Variants in RERE observed in about 807,000 individuals in gnomAD.
The protein encoded by RERE is arginine-glutamic acid dipeptide repeats.
In RERE, 40 loss-of-function variants were observed where a neutral mutation model predicts 146.1. That is an observed-to-expected ratio of 0.27 (90% CI 0.21 to 0.36). The LOEUF (loss-of-function observed/expected upper bound fraction) is 0.36. Ranked by LOEUF, RERE falls within the 10% of genes least tolerant of loss-of-function variation. RERE has a pLI of 1.00. For missense variants in RERE, 1,933 were observed against 2,138.7 expected, an observed-to-expected ratio of 0.90 and a Z score of 1.90; for synonymous variants, 1,003 against 866.0, an observed-to-expected ratio of 1.16 and a Z score of -2.78.
Position 8,360,154 on chromosome 1 carries a change from G to A in RERE, c.3353C>T (p.Pro1118Leu). Residue 1118 changes from proline (P) to leucine (L), a missense_variant, in exon 18 of 23, where the codon CCC (proline) becomes CTC (leucine). Transcript: ENST00000400908. ...PPPPRSPSPE[P>L]TVVDTPSHAS... ...GTGACTGGGGGTGTCCACCACAGTG[G>A]GCTCCGGGGACGGGCTCCTTGGTGG... 1.3e-6 allele frequency: 2 copies of A among 1,597,270 alleles called. No individual in the cohort carries two copies. Among genetic ancestry groups the A allele is most frequent in the Non-Finnish European group, 1.7e-6 (2 of 1,171,884 alleles).
Position 8,356,686 on chromosome 1 carries a change from G to A in RERE, c.4340-440C>T, listed in dbSNP as rs1240379906. On this transcript the variant is annotated intron_variant, in intron 20 of 22. Coordinates refer to ENST00000400908, the MANE Select transcript of RERE (RefSeq NM_001042681.2). The surrounding 1 kb of genome is among the most constrained non-coding windows in gnomAD (Gnocchi z 5.2). ...CTCTTCACTCGCAGAACCTAAAGGA[G>A]GCCAGCAGAGTGGGTGGCGCAGAAT... 5.3e-5 allele frequency among the ~76,000 whole-genome samples: 8 copies of A among 152,130 alleles called. No individual in the cohort carries two copies. The highest frequency in any genetic ancestry group is 5.2e-4 in the Admixed American group (8 of 15,270).
chr1:8,368,779 A>C (rs534940695), intron 12 of RERE, among the ~76,000 whole-genome samples: 1 of 152,176 alleles, frequency 6.6e-6, no homozygotes, highest in East Asian at 1.9e-4. Flanking sequence ...TAAGGGAAGA[A>C]GCCAGGCGCA....
intron 11 of RERE, among the ~76,000 whole-genome samples, chr1:8,449,581 C>G (rs1570258896): frequency 6.6e-6 from 1 of 152,194 alleles, no homozygotes; most frequent in East Asian, 1.9e-4. Flanking sequence ...GAAAAATGCA[C>G]ATCTAGGTAT....
Position 8,352,746 on chromosome 1 carries a change from G to A in RERE, c.*2341C>T, listed in dbSNP as rs1199021321. ...CTTCAAAGACACCATGAAGGTCAGG[G>A]CCTCCTAAACAAACTGTAGTTTATC... On this transcript the variant is annotated 3_prime_UTR_variant, in exon 23 of 23. Coordinates refer to ENST00000400908, the MANE Select transcript of RERE (RefSeq NM_001042681.2). The A allele has an allele frequency of 6.6e-6, 1 of 152,328 alleles. No homozygotes were observed. Among genetic ancestry groups the A allele is most frequent in the Non-Finnish European group, 1.5e-5 (1 of 68,038 alleles). 9.4% of individuals were successfully genotyped at this position (152,328 alleles called of 1,614,324 possible).
intron 12 of RERE, among the ~76,000 whole-genome samples, chr1:8,387,325 C>A (rs186855649): frequency 6.6e-6 from 1 of 152,106 alleles, no homozygotes; most frequent in African/African-American, 2.4e-5. Context: ...ACCAAACCCA[C>A]GGACTAAGAA....
chr1:8,374,959 T>C (rs1285469226), intron 12 of RERE, among the ~76,000 whole-genome samples: 1 of 152,170 alleles, frequency 6.6e-6, no homozygotes, highest in Non-Finnish European at 1.5e-5. Flanking sequence ...TTCTTCTCCA[T>C]GAAGCCTTCC....
intron 1 of RERE, among the ~76,000 whole-genome samples, chr1:8,752,157 T>C (rs576347560): frequency 6.6e-6 from 1 of 152,178 alleles, no homozygotes; most frequent in East Asian, 1.9e-4. Flanking sequence ...AGGATTTGCC[T>C]TGCGTGTCTG....
chr1:8,570,672 T>C (rs915564865), intron 4 of RERE, among the ~76,000 whole-genome samples: 4 of 152,192 alleles, frequency 2.6e-5, no homozygotes, highest in African/African-American at 9.7e-5. Flanking sequence ...GGTATCATTA[T>C]GAAAACAGTT....
intron 1 of RERE, among the ~76,000 whole-genome samples, chr1:8,682,269 C>T (rs959942168): frequency 6.6e-6 from 1 of 152,164 alleles, no homozygotes; most frequent in Admixed American, 6.5e-5. Context: ...AATTTCATGA[C>T]TAATAATTTC....
At chr1:8,740,323 G>A (rs570409270) in intron 1 of RERE, among the ~76,000 whole-genome samples, 6 of 152,190 alleles carry the variant, frequency 3.9e-5, no homozygotes, top group African/African-American at 7.2e-5. Flanking sequence ...CATCTGTCTA[G>A]GGCACTTACC....
At chr1:8,610,645 C>T (rs1646782567) in intron 4 of RERE, among the ~76,000 whole-genome samples, 1 of 152,004 alleles carries the variant, frequency 6.6e-6, no homozygotes, top group African/African-American at 2.4e-5. Context: ...TAATTCAAGT[C>T]TTACAGGATA....
chr1:8,501,304 C>T (rs1203718935), intron 8 of RERE, among the ~76,000 whole-genome samples: 8 of 123,938 alleles, frequency 6.5e-5, no homozygotes, highest in East Asian at 2.6e-4. Context: ...CCCCTCTGCC[C>T]GGCCAGCCGC....
At chr1:8,747,528 A>G (rs1640446602) in intron 1 of RERE, among the ~76,000 whole-genome samples, 2 of 152,124 alleles carry the variant, frequency 1.3e-5, no homozygotes, top group Non-Finnish European at 2.9e-5. Context: ...AGACAGATAA[A>G]TCAACACATG....
intron 19 of RERE, among the ~76,000 whole-genome samples, chr1:8,359,362 G>A (rs949140207): frequency 1.3e-5 from 2 of 152,216 alleles, no homozygotes; most frequent in Non-Finnish European, 2.9e-5. Context: ...ACAAAGGCAG[G>A]GCAGCTGGAG....
At chr1:8,464,343 T>C (rs1459013685) in intron 11 of RERE, among the ~76,000 whole-genome samples, 1 of 152,108 alleles carries the variant, frequency 6.6e-6, no homozygotes, top group Non-Finnish European at 1.5e-5. Flanking sequence ...AAATTCTCTT[T>C]TCTCTACCTT....
intron 6 of RERE, among the ~76,000 whole-genome samples, chr1:8,547,688 C>T (rs1178866783): frequency 1.3e-5 from 2 of 152,146 alleles, no homozygotes; most frequent in African/African-American, 4.8e-5. Flanking sequence ...ACACTTCTCA[C>T]CTATCAGACT....
intron 11 of RERE, among the ~76,000 whole-genome samples, chr1:8,458,417 A>T (rs961158171): frequency 6.6e-6 from 1 of 152,122 alleles, no homozygotes; most frequent in South Asian, 2.1e-4. Flanking sequence ...CTCCCCGCTC[A>T]AGCAAAAATG....
intron 8 of RERE, 67 bp downstream of exon 8, chr1:8,508,560 G>T: frequency 8.4e-7 from 1 of 1,195,270 alleles, no homozygotes; most frequent in South Asian, 1.3e-5. Flanking sequence ...CTGCGCAACA[G>T]AATAAAGTGC....
At chr1:8,620,429 C>T (rs145871111) in intron 3 of RERE, among the ~76,000 whole-genome samples, 288 of 152,304 alleles carry the variant, frequency 1.9e-3, no homozygotes, top group African/African-American at 6.7e-3. Flanking sequence ...CCAGCCCTAA[C>T]CTTGCTCTTG....
Sources: gnomAD v4.1 joint callset for allele counts (sites outside exome capture counted in the v4.1 genomes callset) on GRCh38, gnomAD v4.1.1 for gene constraint, Gnocchi (gnomAD v3.1) non-coding constraint, MANE v1.5 for transcripts, NCBI Gene and HGNC (gene_info 2026-07-23, HGNC 2026-07-21) for gene names.